The following CHN2 variants were observed in gnomAD, a reference collection of about 807,000 sequenced individuals.
The protein encoded by CHN2 is chimerin 2, also known as beta-chimaerin.
In CHN2, 35 loss-of-function variants were observed where a neutral mutation model predicts 56.3. The ratio of observed to expected loss-of-function variants is 0.62; its 90% CI spans 0.47 to 0.82. The LOEUF (loss-of-function observed/expected upper bound fraction) is 0.82. Among genes scored for constraint, CHN2 ranks in the 40% least tolerant of loss-of-function variants. The pLI is 0.00. For synonymous variants in CHN2, 210 were observed against 212.8 expected (o/e 0.99, Z 0.12); for missense variants, 491 against 580.5 (o/e 0.85, Z 1.58).
intron 1 of CHN2, among the ~76,000 whole-genome samples, chr7:29,231,096 A>G (rs529618345): frequency 6.6e-6 from 1 of 152,294 alleles, no homozygotes; most frequent in African/African-American, 2.4e-5. Flanking sequence ...GGAGGACACG[A>G]AACAGTTCCA....
chr7:29,488,959 A>G (rs1001485282), intron 7 of CHN2, among the ~76,000 whole-genome samples: 2 of 152,224 alleles, frequency 1.3e-5, no homozygotes, highest in African/African-American at 4.8e-5. Context: ...TCCTTCTTAC[A>G]GTTTCGATCC....
At chr7:29,375,443 G>A (rs988546251) in intron 3 of CHN2, among the ~76,000 whole-genome samples, 23 of 152,034 alleles carry the variant, frequency 1.5e-4, no homozygotes, top group African/African-American at 2.2e-4. Context: ...TGATCCACCC[G>A]CCTCGGCCTC....
chr7:29,360,149 T>G (rs1798614713), intron 2 of CHN2, among the ~76,000 whole-genome samples: 1 of 152,180 alleles, frequency 6.6e-6, no homozygotes, highest in Non-Finnish European at 1.5e-5. Context: ...CTGAAACCCC[T>G]CAGTGTGTGG....
chr7:29,369,642 T>C (rs1799449592), intron 3 of CHN2, among the ~76,000 whole-genome samples: 1 of 152,194 alleles, frequency 6.6e-6, no homozygotes, highest in Non-Finnish European at 1.5e-5. Flanking sequence ...CTCAAAATCC[T>C]TGGAACCATG....
intron 3 of CHN2, among the ~76,000 whole-genome samples, chr7:29,375,801 C>T (rs1469142398): frequency 6.6e-6 from 1 of 152,166 alleles, no homozygotes; most frequent in East Asian, 1.9e-4. Context: ...GTCACACCTC[C>T]ATAGGAGTTG....
At chr7:29,510,458 C>T (rs190248444) in intron 12 of CHN2, among the ~76,000 whole-genome samples, 28 of 152,230 alleles carry the variant, frequency 1.8e-4, no homozygotes, top group Admixed American at 7.8e-4. Context: ...AAAATTCACT[C>T]CTGAAGGCTT....
chr7:29,503,756 T>C (rs1790234059), intron 9 of CHN2, among the ~76,000 whole-genome samples: 1 of 152,156 alleles, frequency 6.6e-6, no homozygotes, highest in Non-Finnish European at 1.5e-5. Context: ...AACAGGAGAA[T>C]ATGTGAGTTA....
At chr7:29,455,520 G>T in intron 6 of CHN2, among the ~76,000 whole-genome samples, 1 of 152,154 alleles carries the variant, frequency 6.6e-6, no homozygotes, top group East Asian at 1.9e-4. Context: ...TAGTGTCTTT[G>T]TGTGGCTTTC....
chr7:29,472,313 T>TCACACGCAC (rs1459480414), intron 6 of CHN2, among the ~76,000 whole-genome samples: 1 of 77,784 alleles, frequency 1.3e-5, no homozygotes. Flanking sequence ...ACACACACAT[T>TCACACGCAC]AGACACAGAA....
At chr7:29,405,787 T>A (rs540247767) in intron 6 of CHN2, among the ~76,000 whole-genome samples, 5 of 152,316 alleles carry the variant, frequency 3.3e-5, no homozygotes, top group African/African-American at 1.2e-4. Flanking sequence ...CTTTCTAAAT[T>A]ATTTTCTTCC....
In CHN2 at chr7:29,160,913, T is replaced by G. The variant is rs75416055; in HGVS notation, c.274+13953T>G. 9.9e-3 allele frequency among the ~76,000 whole-genome samples: 1,515 copies of G among 152,316 alleles called. 58 individuals carry two copies. Among genetic ancestry groups the G allele is most frequent in the Admixed American group, 0.071 (1,083 of 15,298 alleles). On this transcript the variant is annotated intron_variant, in intron 2 of 6. Coordinates refer to the CHN2 transcript ENST00000439384. ...TTGATTAACGTGAAAAGCTACAGAT[T>G]AATTTTATAAATATCTGTCACCCCT...
At chr7:29,332,054 GATTTGGCTTGTGTGATCTGAAAGA>G (rs1796264219) in intron 1 of CHN2, among the ~76,000 whole-genome samples, 2 of 151,030 alleles carry the variant, frequency 1.3e-5, no homozygotes, top group Non-Finnish European at 2.9e-5. Context: ...TTTGGGTGAA[GATTTGGCTTGTGTGATCTGAAAGA>G]AAAAAGGCCA....
chr7:29,338,006 A>G (rs1027230979), intron 1 of CHN2, among the ~76,000 whole-genome samples: 1 of 152,240 alleles, frequency 6.6e-6, no homozygotes, highest in Admixed American at 6.5e-5. Context: ...CCAACTAGAC[A>G]GCCTGACTGG....
intron 6 of CHN2, among the ~76,000 whole-genome samples, chr7:29,417,114 T>G (rs571918284): frequency 3.0e-4 from 45 of 152,290 alleles, no homozygotes; most frequent in African/African-American, 1.1e-3. Context: ...CTGGCTCCCC[T>G]GCCAGGGCCC....
intron 6 of CHN2, among the ~76,000 whole-genome samples, chr7:29,454,504 C>A (rs1394337084): frequency 6.6e-6 from 1 of 152,092 alleles, no homozygotes; most frequent in Non-Finnish European, 1.5e-5. Flanking sequence ...CCAACTAATC[C>A]ACAATCATGA....
At chr7:29,176,593 C>CT (rs1797377757) in intron 2 of CHN2, among the ~76,000 whole-genome samples, 2 of 152,088 alleles carry the variant, frequency 1.3e-5, no homozygotes, top group African/African-American at 4.8e-5. Context: ...ACTACTAAGA[C>CT]ACCCTTACAA....
chr7:29,348,899 G>T (rs776025565), intron 1 of CHN2, among the ~76,000 whole-genome samples: 2 of 152,104 alleles, frequency 1.3e-5, no homozygotes, highest in East Asian at 3.8e-4. Flanking sequence ...ATCAGGTATA[G>T]CAAGCCTTAA....
chr7:29,427,465 G>T (rs1804978669), intron 6 of CHN2, among the ~76,000 whole-genome samples: 1 of 151,972 alleles, frequency 6.6e-6, no homozygotes, highest in Admixed American at 6.6e-5. Context: ...AGTAACTTTA[G>T]GTGTCAAAGG....
chr7:29,342,161 A>G (rs1357188399), intron 1 of CHN2, among the ~76,000 whole-genome samples: 1 of 152,220 alleles, frequency 6.6e-6, no homozygotes, highest in Non-Finnish European at 1.5e-5. Flanking sequence ...TGCCTGGCAC[A>G]TAAGTATTTG....
Sources: allele counts gnomAD v4.1 joint callset (sites outside exome capture counted in the v4.1 genomes callset), GRCh38; gene constraint gnomAD v4.1.1; transcripts MANE v1.5; gene names NCBI Gene and HGNC (gene_info 2026-07-23, HGNC 2026-07-21).